Variants in PRKG1 observed in about 807,000 individuals in gnomAD.
The protein encoded by PRKG1 is cGMP-dependent protein kinase 1.
Under a neutral mutation model 88.1 loss-of-function variants are expected in PRKG1, and 35 were observed. The ratio of observed to expected loss-of-function variants is 0.40; its 90% CI spans 0.30 to 0.53. PRKG1 has a LOEUF of 0.53. PRKG1 is among the 20% of genes least tolerant of loss of function. The probability of loss-of-function intolerance (pLI) is 0.59; values close to 1 mark genes in which losing one functional copy is unlikely to be tolerated. For synonymous variants in PRKG1, 303 were observed against 292.5 expected (o/e 1.04, Z -0.37); for missense variants, 540 against 839.8 (o/e 0.64, Z 4.41).
At chr10:51,270,939 A>G (rs890007119) in intron 2 of PRKG1, among the ~76,000 whole-genome samples, 2 of 152,360 alleles carry the variant, frequency 1.3e-5, no homozygotes, top group African/African-American at 2.4e-5. Context: ...AGGAGAGCAC[A>G]TTCTAATGAC....
rs1379742068 is a variant in PRKG1 at position 52,256,550 on chromosome 10, C to T, written c.1173+4884C>T. On this transcript the variant is annotated intron_variant, in intron 10 of 17. Transcript: ENST00000373980. ...ACCTCACAAGGTTGTGAAGATTAAA[C>T]GAGTTAAAGCCCTCAAAATAGTGTC... Among the ~76,000 whole-genome samples, 4 of 139,344 alleles carry T rather than the reference C, an allele frequency of 2.9e-5. 1 individual carries two copies. The highest frequency in any genetic ancestry group is 9.9e-5 in the African/African-American group (4 of 40,278). The allele number at this position is 139,344 out of a possible 152,430, so 91.4% of individuals were successfully genotyped here.
chr10:51,863,302 A>C (rs1589369095), intron 4 of PRKG1, among the ~76,000 whole-genome samples: 1 of 152,308 alleles, frequency 6.6e-6, no homozygotes, highest in East Asian at 1.9e-4. Context: ...CCACAGTGAG[A>C]TTCTTAAGCA....
intron 4 of PRKG1, among the ~76,000 whole-genome samples, chr10:51,841,926 G>A (rs1840286667): frequency 6.6e-6 from 1 of 152,116 alleles, no homozygotes; most frequent in Non-Finnish European, 1.5e-5. Flanking sequence ...CAAGTGATCT[G>A]CCCGCCTCAG....
intron 2 of PRKG1, among the ~76,000 whole-genome samples, chr10:51,248,758 C>T (rs564447999): frequency 6.6e-6 from 1 of 151,340 alleles, no homozygotes; most frequent in African/African-American, 2.4e-5. Context: ...ATTGCAACTA[C>T]AGTATAACAA....
intron 7 of PRKG1, among the ~76,000 whole-genome samples, chr10:52,080,899 T>C (rs1265167729): frequency 6.6e-6 from 1 of 152,160 alleles, no homozygotes; most frequent in African/African-American, 2.4e-5. Context: ...TGTTGATTAC[T>C]GTGAGCTTGA....
intron 2 of PRKG1, among the ~76,000 whole-genome samples, chr10:51,193,007 A>G (rs1837669103): frequency 6.6e-6 from 1 of 152,092 alleles, no homozygotes; most frequent in Non-Finnish European, 1.5e-5. Context: ...ATGTTAGAAT[A>G]AAGCTAAAGT....
intron 1 of PRKG1, among the ~76,000 whole-genome samples, chr10:51,096,987 T>C (rs1466933267): frequency 1.3e-5 from 2 of 152,184 alleles, no homozygotes; most frequent in Non-Finnish European, 2.9e-5. Context: ...ATTAGCCAGT[T>C]TGGAAATCTA....
chr10:52,226,498 G>T (rs1486472018), intron 9 of PRKG1, among the ~76,000 whole-genome samples: 1 of 152,044 alleles, frequency 6.6e-6, no homozygotes, highest in Non-Finnish European at 1.5e-5. Flanking sequence ...CAAAGGTGAT[G>T]TTTTACCAAC....
chr10:52,085,713 C>T (rs1390030933), intron 7 of PRKG1, among the ~76,000 whole-genome samples: 1 of 152,120 alleles, frequency 6.6e-6, no homozygotes, highest in Non-Finnish European at 1.5e-5. Flanking sequence ...TACTTGGGTA[C>T]AATTACAATT....
intron 9 of PRKG1, among the ~76,000 whole-genome samples, chr10:52,213,911 G>A (rs1589705046): frequency 6.6e-6 from 1 of 152,184 alleles, no homozygotes; most frequent in South Asian, 2.1e-4. Context: ...AAATAACACT[G>A]CCTAGAAATC....
At position 51,804,714 on chromosome 10, in the gene PRKG1, T is replaced by A. The variant is rs138539949; in HGVS notation, c.698+24T>A. 54 of 1,467,340 alleles carry A rather than the reference T, an allele frequency of 3.7e-5. 1 individual carries two copies. In the African/African-American group the frequency reaches 5.4e-4, roughly 15 times the overall value. 90.9% of individuals were successfully genotyped at this position (1,467,340 alleles called of 1,614,324 possible). A position where few individuals can be genotyped will look rare whatever the true frequency, so the allele number is the denominator to read the frequency against. ...AGGTAGGATGCTTTCTTTTCTCTTG[T>A]GAGAGTGTTTACTTTCCTTTTAGCC... On this transcript the variant is annotated intron_variant, in intron 4 of 17. Transcript: ENST00000373980.
chr10:51,069,539 A>G (rs943576075), upstream of PRKG1, among the ~76,000 whole-genome samples: 3 of 151,988 alleles, frequency 2.0e-5, no homozygotes, highest in Admixed American at 6.5e-5. Context: ...TTAAAATTCT[A>G]TTGTCTGACT....
intron 3 of PRKG1, among the ~76,000 whole-genome samples, chr10:51,561,641 G>A (rs537660451): frequency 1.9e-4 from 29 of 152,146 alleles, no homozygotes; most frequent in African/African-American, 6.7e-4. Context: ...AGGAAGAAGG[G>A]GTGGGGAGAG....
At chr10:51,985,259 T>G (rs1816181051) in intron 5 of PRKG1, among the ~76,000 whole-genome samples, 1 of 152,142 alleles carries the variant, frequency 6.6e-6, no homozygotes, top group South Asian at 2.1e-4. Context: ...ATGGATTATT[T>G]TGAGAAAAAT....
rs1035689956 is a variant in PRKG1, at chr10:52,162,313, T to C, written c.1076+350T>C. ...TTCCATAGTTGCTTGTGGAATTGTATCAAAAATAATAAGGCTAGAAATATT... is the reference window on the plus strand; with the variant it reads ...TTCCATAGTTGCTTGTGGAATTGTACCAAAAATAATAAGGCTAGAAATATT... On this transcript the variant is annotated intron_variant, in intron 9 of 17. Transcript: ENST00000373980. Among the ~76,000 whole-genome samples the C allele has an allele frequency of 3.8e-4, 58 of 152,104 alleles. 1 individual carries two copies. The highest frequency in any genetic ancestry group is 7.2e-4 in the Non-Finnish European group (49 of 67,976).
At position 52,289,010 on chromosome 10, in the gene PRKG1, C is replaced by T. The variant is rs765895194; in HGVS notation, c.1895+17C>T. ...AAAGCACAAGTAAGTGTTCTTTCTG[C>T]AGAGTTCTGAACACGTGACATCATT... On this transcript the variant is annotated intron_variant, in intron 16 of 17. Coordinates refer to ENST00000373980, the MANE Select transcript of PRKG1 (RefSeq NM_006258.4). 1.9e-6 allele frequency: 3 copies of T among 1,598,662 alleles called. No homozygotes were observed. The highest frequency in any genetic ancestry group is 1.1e-5 in the South Asian group (1 of 89,184).
At chr10:52,053,340 C>A (rs1846035250) in intron 5 of PRKG1, among the ~76,000 whole-genome samples, 1 of 152,076 alleles carries the variant, frequency 6.6e-6, no homozygotes, top group South Asian at 2.1e-4. Flanking sequence ...AATAATGGCT[C>A]TTTTCAATGT....
intron 3 of PRKG1, among the ~76,000 whole-genome samples, chr10:51,524,767 T>C (rs1339513744): frequency 6.6e-6 from 1 of 152,248 alleles, no homozygotes; most frequent in East Asian, 1.9e-4. Context: ...ATAAAGGAAG[T>C]GCTTTGACTA....
At chr10:52,172,852 G>GC in intron 9 of PRKG1, among the ~76,000 whole-genome samples, 1 of 152,176 alleles carries the variant, frequency 6.6e-6, no homozygotes, top group East Asian at 1.9e-4. Context: ...AGTTTGGAGA[G>GC]CGAGCCTTAG....
Sources: gnomAD v4.1 joint callset for allele counts (sites outside exome capture counted in the v4.1 genomes callset) on GRCh38, gnomAD v4.1.1 for gene constraint, MANE v1.5 for transcripts, NCBI Gene and HGNC (gene_info 2026-07-23, HGNC 2026-07-21) for gene names.